The following ARRB1 variants were observed in gnomAD, a reference collection of about 807,000 sequenced individuals.
ARRB1 encodes beta-arrestin-1.
Under a neutral mutation model 56.8 loss-of-function variants are expected in ARRB1, and 21 were observed. That is an observed-to-expected ratio of 0.37 (90% CI 0.26 to 0.53). The LOEUF (loss-of-function observed/expected upper bound fraction) is 0.53. Ranked by LOEUF, ARRB1 falls within the 20% of genes least tolerant of loss-of-function variation. The pLI is 0.88. For missense variants in ARRB1, 424 were observed against 553.7 expected (o/e 0.77, Z 2.35); for synonymous variants, 210 against 218.6 (o/e 0.96, Z 0.35).
chr11:75,319,852 C>T (rs1947319453), intron 1 of ARRB1, among the ~76,000 whole-genome samples: 1 of 152,154 alleles, frequency 6.6e-6, no homozygotes, highest in Non-Finnish European at 1.5e-5. Flanking sequence ...AGGCCACTTG[C>T]CTAGGTGGTG....
intron 1 of ARRB1, among the ~76,000 whole-genome samples, chr11:75,314,126 G>C (rs549280416): frequency 1.3e-5 from 2 of 152,116 alleles, no homozygotes; most frequent in East Asian, 3.9e-4. Context: ...TTCTCACTTC[G>C]GGGTCTCCCA....
chr11:75,334,320 A>AAG (rs1206912357), intron 1 of ARRB1, among the ~76,000 whole-genome samples: 4 of 150,618 alleles, frequency 2.7e-5, no homozygotes, highest in Non-Finnish European at 5.9e-5. Context: ...AAAAAAAAAA[A>AAG]AAAAAAGGCC....
intron 3 of ARRB1, 123 bp from the exon 4 acceptor site, chr11:75,284,402 G>A (rs1395152306): frequency 2.0e-6 from 2 of 993,110 alleles, no homozygotes; most frequent in African/African-American, 1.6e-5. Context: ...TGAGAAAAAT[G>A]GAAAGGCGGG....
intron 1 of ARRB1, among the ~76,000 whole-genome samples, chr11:75,329,600 C>T (rs1947489102): frequency 6.6e-6 from 1 of 152,166 alleles, no homozygotes; most frequent in Admixed American, 6.5e-5. Context: ...CCACTGCCTT[C>T]CTGGCCTTTC....
intron 1 of ARRB1, among the ~76,000 whole-genome samples, chr11:75,312,715 G>A (rs928384027): frequency 5.3e-5 from 8 of 152,216 alleles, no homozygotes; most frequent in African/African-American, 1.9e-4. Context: ...AGGCAGGAGG[G>A]TCAGAGAGAG....
intron 1 of ARRB1, among the ~76,000 whole-genome samples, chr11:75,342,794 G>A (rs1389183195): frequency 1.3e-5 from 2 of 152,308 alleles, no homozygotes; most frequent in South Asian, 2.1e-4. Flanking sequence ...ACAGAGAGGC[G>A]CAGCAGGAAC....
chr11:75,288,748 T>C (rs1290207207), intron 2 of ARRB1, among the ~76,000 whole-genome samples: 2 of 151,926 alleles, frequency 1.3e-5, no homozygotes, highest in Non-Finnish European at 2.9e-5. Context: ...CCCAAATAGC[T>C]GGAACTACAG....
chr11:75,270,335 A>G (rs780216441), intron 13 of ARRB1, among the ~76,000 whole-genome samples: 3 of 152,118 alleles, frequency 2.0e-5, no homozygotes, highest in Non-Finnish European at 4.4e-5. Flanking sequence ...CTCTACTAAA[A>G]ATACAAAAAT....
chr11:75,289,900 C>T (rs950690529), intron 2 of ARRB1, 109 bp downstream of exon 2: 4 of 1,517,656 alleles, frequency 2.6e-6, no homozygotes. Context: ...CCTGCCCCCT[C>T]CCACAGAGGT....
At chr11:75,288,316 C>T (rs1408848915) in intron 2 of ARRB1, among the ~76,000 whole-genome samples, 2 of 152,222 alleles carry the variant, frequency 1.3e-5, no homozygotes, top group Non-Finnish European at 2.9e-5. Flanking sequence ...GAGGACTTGC[C>T]TTCTGAGGCA....
chr11:75,289,948 A>G lies in ARRB1; in HGVS notation c.51+61T>C. On this transcript the variant is annotated intron_variant, in intron 2 of 15. Transcript: ENST00000420843. ...GGACATGCCGTTTCCTCTGCTTCCC[A>G]AGAGAAAATGACCAGAGTGTGAGGT... The G allele has an allele frequency of 9.3e-6, 15 of 1,612,094 alleles. No individual in the cohort carries two copies. The South Asian group carries it at 1.6e-4, about 18-fold the overall frequency.
At chr11:75,312,672 C>T (rs1947188734) in intron 1 of ARRB1, among the ~76,000 whole-genome samples, 1 of 152,138 alleles carries the variant, frequency 6.6e-6, no homozygotes, top group African/African-American at 2.4e-5. Context: ...CCTGGGTGGG[C>T]CCAATGTCAT....
At chr11:75,290,344 T>C (rs1014466260) in intron 1 of ARRB1, among the ~76,000 whole-genome samples, 1 of 152,174 alleles carries the variant, frequency 6.6e-6, no homozygotes, top group Non-Finnish European at 1.5e-5. Flanking sequence ...AAGCCTGGCA[T>C]GCTGTAAGGT....
intron 1 of ARRB1, among the ~76,000 whole-genome samples, chr11:75,309,644 C>G (rs1340551780): frequency 1.3e-5 from 2 of 152,086 alleles, no homozygotes; most frequent in Admixed American, 6.5e-5. Context: ...TCACAGGAGG[C>G]TAGGTAGGTG....
chr11:75,350,998 T>C (rs763655462), intron 1 of ARRB1, among the ~76,000 whole-genome samples: 3 of 152,092 alleles, frequency 2.0e-5, no homozygotes, highest in Non-Finnish European at 4.4e-5. Context: ...CCAGCACAAG[T>C]GTGTGTGCCA....
At chr11:75,338,642 G>C (rs1009949020) in intron 1 of ARRB1, among the ~76,000 whole-genome samples, 1 of 152,230 alleles carries the variant, frequency 6.6e-6, no homozygotes, top group Non-Finnish European at 1.5e-5. Context: ...GTGAACATCA[G>C]AGGTGGCTGA....
intron 1 of ARRB1, among the ~76,000 whole-genome samples, chr11:75,331,620 C>T (rs1303890279): frequency 1.3e-5 from 2 of 151,806 alleles, no homozygotes; most frequent in Non-Finnish European, 2.9e-5. Context: ...AGAGAACAAC[C>T]CCCTTTTGAC....
chr11:75,267,840 G>A (rs1283749011), intron 14 of ARRB1, 137 bp from the exon 15 acceptor site: 3 of 732,216 alleles, frequency 4.1e-6, no homozygotes, highest in Non-Finnish European at 7.0e-6. Context: ...TGGAGATGGG[G>A]GAGGACTCAT....
At position 75,265,850 on chromosome 11, in the gene ARRB1, C is replaced by T; in HGVS notation, c.*313G>A. On this transcript the variant is annotated 3_prime_UTR_variant, in exon 16 of 16. Coordinates refer to ENST00000420843, the MANE Select transcript of ARRB1 (RefSeq NM_004041.5). ...CCGTGTCCCACATTCCCCATCCTCC[C>T]CTGTCTGCTCCCCATCTCAAGTCCA... 1 of 396,036 alleles carries T rather than the reference C, an allele frequency of 2.5e-6. No individual in the cohort carries two copies. The highest frequency in any genetic ancestry group is 4.7e-6 in the Non-Finnish European group (1 of 211,350). 24.5% of individuals were successfully genotyped at this position (396,036 alleles called of 1,614,324 possible). A position where few individuals can be genotyped will look rare whatever the true frequency, so the allele number is the denominator to read the frequency against.
Sources: gnomAD v4.1 joint callset for allele counts (sites outside exome capture counted in the v4.1 genomes callset) on GRCh38, gnomAD v4.1.1 for gene constraint, MANE v1.5 for transcripts, NCBI Gene and HGNC (gene_info 2026-07-23, HGNC 2026-07-21) for gene names.